ZZZ3: variants seen among roughly 807,000 people sequenced by gnomAD.
ZZZ3 encodes ZZ-type zinc finger-containing protein 3.
A neutral mutation model predicts 95.2 loss-of-function variants in ZZZ3; 22 were observed. The ratio of observed to expected loss-of-function variants is 0.23; its 90% CI spans 0.17 to 0.33. The LOEUF is 0.33. Among genes scored for constraint, ZZZ3 ranks in the 10% least tolerant of loss-of-function variants. The pLI, the probability that ZZZ3 is intolerant of heterozygous loss-of-function variation, is 1.00. For missense variants in ZZZ3, 885 were observed against 1,066.5 expected (o/e 0.83, Z 2.37); for synonymous variants, 335 against 358.9 (o/e 0.93, Z 0.75).
chr1:77,665,169 T>A (rs1671141242), intron 1 of ZZZ3, among the ~76,000 whole-genome samples: 1 of 152,144 alleles, frequency 6.6e-6, no homozygotes, highest in South Asian at 2.1e-4. Flanking sequence ...ACAAAACAAT[T>A]ACAAAAGGTC....
chr1:77,626,447 A>G (rs145306207), intron 5 of ZZZ3, among the ~76,000 whole-genome samples: 136 of 152,314 alleles, frequency 8.9e-4, no homozygotes, highest in African/African-American at 3.1e-3. Flanking sequence ...TCTGGGGGTG[A>G]TAAGAGACAG....
chr1:77,675,222 G>C (rs1037223851), intron 1 of ZZZ3, among the ~76,000 whole-genome samples: 3 of 152,042 alleles, frequency 2.0e-5, no homozygotes, highest in Non-Finnish European at 2.9e-5. Flanking sequence ...CTATAATACA[G>C]CCAAGCCACC....
chr1:77,674,951 CAAAAA>C (rs538347422), intron 1 of ZZZ3, among the ~76,000 whole-genome samples: 1 of 73,606 alleles, frequency 1.4e-5, no homozygotes. Flanking sequence ...GACTCGGTCT[CAAAAA>C]AAAAAAAAAA....
In ZZZ3 at chr1:77,632,573, T is replaced by A. The variant is rs753030758; in HGVS notation, c.782A>T (p.Tyr261Phe). Residue 261 changes from tyrosine to phenylalanine, a missense_variant, in exon 5 of 15, where the codon TAT becomes TTT. By Grantham distance (22) the Tyr-to-Phe change is conservative (BLOSUM62 3). This residue lies in a region of ZZZ3 where 556 missense variants were observed against 652.9 expected (regional missense o/e 0.85). Coordinates refer to ENST00000370801, the MANE Select transcript of ZZZ3 (RefSeq NM_015534.6). The stretch of plus-strand genomic sequence containing the variant: ...TGTGCAAGGCACCTTATGGTCTATA[T>A]AACTGTCCTCCTTCCTACTATCAAG... ...MFLDSRKEDS[Y>F]IDHKVPCTDS... 6.2e-7 allele frequency: 1 copy of A among 1,614,172 alleles called. No homozygotes were observed. Among genetic ancestry groups the A allele is most frequent in the Non-Finnish European group, 8.5e-7 (1 of 1,180,016 alleles).
intron 11 of ZZZ3, among the ~76,000 whole-genome samples, chr1:77,578,521 A>G (rs1230746363): frequency 6.6e-6 from 1 of 152,228 alleles, no homozygotes; most frequent in Non-Finnish European, 1.5e-5. Flanking sequence ...CCTTTCTAAC[A>G]TATTTTGAAT....
intron 13 of ZZZ3, 150 bp downstream of exon 13, chr1:77,568,182 G>A: frequency 9.0e-6 from 5 of 553,196 alleles, no homozygotes; most frequent in Non-Finnish European, 1.5e-5. Context: ...GGGTGGCTGA[G>A]ACACGAGAAT....
chr1:77,581,840 T>C lies in ZZZ3; in HGVS notation c.1844A>G (p.Glu615Gly), dbSNP rs367955962. ...KSPLDPKKDG[E>G]SLSYSMLPLS... Reference sequence around the variant, plus strand: ...AGGCAACATAGAATATGAAAGGGACTCTCCATCCTTCTTAGGATCTAAAGG... The same window carrying C: ...AGGCAACATAGAATATGAAAGGGACCCTCCATCCTTCTTAGGATCTAAAGG... The change falls in exon 8 of 15, where the codon GAG (glutamate) becomes GGG (glycine). Residue 615 changes from glutamate (E) to glycine (G), a missense_variant. By Grantham distance (98) the Glu-to-Gly change is moderately conservative (BLOSUM62 -2). Transcript: ENST00000370801. 7 of 1,614,052 alleles carry C rather than the reference T, an allele frequency of 4.3e-6. No individual in the cohort carries two copies. In the South Asian group the frequency reaches 5.5e-5, roughly 13 times the overall value.
chr1:77,584,770 A>G, intron 5 of ZZZ3, 115 bp from the exon 6 acceptor site: 1 of 744,842 alleles, frequency 1.3e-6, no homozygotes, highest in Non-Finnish European at 1.9e-6. Flanking sequence ...GAGTTACCTG[A>G]AAGAGTTTAG....
chr1:77,639,757 C>G (rs1019527783), intron 3 of ZZZ3, among the ~76,000 whole-genome samples, 155 bp from the exon 4 acceptor site: 2 of 151,642 alleles, frequency 1.3e-5, no homozygotes, highest in Admixed American at 6.6e-5. Context: ...CTCAAGAATA[C>G]TAAGAAACTG....
intron 1 of ZZZ3, among the ~76,000 whole-genome samples, chr1:77,670,752 A>C (rs1011120317): frequency 6.6e-6 from 1 of 151,836 alleles, no homozygotes; most frequent in Non-Finnish European, 1.5e-5. Flanking sequence ...TTTTTAAACA[A>C]AACAAAACAA....
chr1:77,620,561 T>C (rs1348852429), intron 5 of ZZZ3, among the ~76,000 whole-genome samples: 2 of 150,876 alleles, frequency 1.3e-5, no homozygotes, highest in African/African-American at 4.9e-5. Context: ...GTAAGAACAG[T>C]AGGAGAGGAA....
intron 6 of ZZZ3, 77 bp downstream of exon 6, chr1:77,584,413 TAAACATTTTAAAAAGTATATACCCATA>T: frequency 4.2e-6 from 5 of 1,193,278 alleles, no homozygotes. Flanking sequence ...CGAAAAAAAT[TAAACATTTTAAAAAGTATATACCCATA>T]AAAAAGAATT....
At chr1:77,602,762 TA>T in intron 5 of ZZZ3, among the ~76,000 whole-genome samples, 1 of 152,016 alleles carries the variant, frequency 6.6e-6, no homozygotes, top group South Asian at 2.1e-4. Flanking sequence ...TGCATCACCA[TA>T]TCTGGCTAAT....
chr1:77,611,505 A>T (rs774030433), intron 5 of ZZZ3, among the ~76,000 whole-genome samples: 1 of 152,080 alleles, frequency 6.6e-6, no homozygotes, highest in Non-Finnish European at 1.5e-5. Context: ...ATGGAACCAC[A>T]AAAGACTCCA....
intron 5 of ZZZ3, among the ~76,000 whole-genome samples, chr1:77,592,119 A>G (rs1663763642): frequency 6.6e-6 from 1 of 152,136 alleles, no homozygotes; most frequent in South Asian, 2.1e-4. Flanking sequence ...AAATTATATT[A>G]GCTGGGTGGT....
At chr1:77,641,351 T>C in intron 3 of ZZZ3, 33 bp downstream of exon 3, 1 of 388,062 alleles carries the variant, frequency 2.6e-6, no homozygotes, top group Non-Finnish European at 4.5e-6. Flanking sequence ...CAAGAACATC[T>C]GCAACTGTTA....
chr1:77,590,427 T>C (rs553991698), intron 5 of ZZZ3, among the ~76,000 whole-genome samples: 4 of 152,324 alleles, frequency 2.6e-5, no homozygotes, highest in African/African-American at 9.6e-5. Flanking sequence ...AACTAAAGTT[T>C]TATTGGAACA....
chr1:77,633,466 G>A (rs1378404386), intron 4 of ZZZ3, 61 bp from the exon 5 acceptor site: 1 of 1,107,596 alleles, frequency 9.0e-7, no homozygotes, highest in Non-Finnish European at 1.3e-6. Context: ...CAGAACGAAA[G>A]TATAAAGCTA....
chr1:77,574,757 A>G (rs1456149689), intron 12 of ZZZ3, among the ~76,000 whole-genome samples: 1 of 152,222 alleles, frequency 6.6e-6, no homozygotes, highest in Non-Finnish European at 1.5e-5. Context: ...TTTGAACACT[A>G]ACAAAGGCAG....
Sources: gnomAD v4.1 joint callset for allele counts (sites outside exome capture counted in the v4.1 genomes callset) on GRCh38, gnomAD v4.1.1 for gene constraint, gnomAD v4.1.1 regional missense constraint, MANE v1.5 for transcripts, NCBI Gene and HGNC (gene_info 2026-07-23, HGNC 2026-07-21) for gene names.